URI1: variants seen among roughly 807,000 people sequenced by gnomAD.
URI1 encodes the protein unconventional prefoldin RPB5 interactor 1.
In URI1, 39 loss-of-function variants were observed where a neutral mutation model predicts 60.2. That is an observed-to-expected ratio of 0.65 (90% CI 0.50 to 0.85). The LOEUF is 0.85. Ranked by LOEUF, URI1 falls within the 40% of genes least tolerant of loss-of-function variation. URI1 has a pLI of 0.00. For synonymous variants in URI1, 251 were observed against 236.8 expected (o/e 1.06, Z -0.55); for missense variants, 691 against 665.9 (o/e 1.04, Z -0.42).
intron 2 of URI1, among the ~76,000 whole-genome samples, chr19:29,980,691 G>A (rs948329109): frequency 6.9e-6 from 1 of 145,110 alleles, no homozygotes; most frequent in African/African-American, 2.5e-5. Context: ...CTGGGAGGCC[G>A]AAGCGGGTAG....
At chr19:29,966,872 A>T (rs139874057) in intron 1 of URI1, among the ~76,000 whole-genome samples, 1 of 152,240 alleles carries the variant, frequency 6.6e-6, no homozygotes, top group African/African-American at 2.4e-5. Context: ...GCATTAACCC[A>T]TACAGGAAGA....
intron 2 of URI1, among the ~76,000 whole-genome samples, chr19:29,984,679 A>G: frequency 6.6e-6 from 1 of 152,174 alleles, no homozygotes; most frequent in South Asian, 2.1e-4. Flanking sequence ...GGATTTTAAA[A>G]CTAAAAATAA....
intron 1 of URI1, among the ~76,000 whole-genome samples, chr19:29,960,402 ATTT>A (rs1237869685): frequency 2.0e-5 from 3 of 151,586 alleles, no homozygotes; most frequent in Non-Finnish European, 4.4e-5. Flanking sequence ...TTATAGATTT[ATTT>A]TTCTCTCTTT....
At chr19:30,001,513 C>CGTTT (rs1378013826) in intron 4 of URI1, among the ~76,000 whole-genome samples, 69 of 151,898 alleles carry the variant, frequency 4.5e-4, no homozygotes, top group African/African-American at 1.5e-3. Context: ...TCTCTACAAA[C>CGTTT]CACTCTAAGC....
At chr19:29,942,039 CA>C (rs10534644), upstream of URI1, among the ~76,000 whole-genome samples, 39 of 147,762 alleles carry the variant, frequency 2.6e-4, no homozygotes, top group African/African-American at 8.9e-4. Context: ...TACGTAATCT[CA>C]AAAAAAAAAA....
chr19:29,927,595 G>A (rs963455620), intron 1 of URI1, among the ~76,000 whole-genome samples: 2 of 86,852 alleles, frequency 2.3e-5, no homozygotes, highest in African/African-American at 1.2e-4. Flanking sequence ...TTGAGACAGA[G>A]TCTCACTCTG....
chr19:29,939,985 C>A (rs1247872370), upstream of URI1, among the ~76,000 whole-genome samples: 1 of 152,124 alleles, frequency 6.6e-6, no homozygotes, highest in East Asian at 1.9e-4. Flanking sequence ...TGACCTGATC[C>A]CCTTTGAAAA....
At chr19:29,970,197 C>A (rs1443470693) in intron 1 of URI1, among the ~76,000 whole-genome samples, 2 of 121,574 alleles carry the variant, frequency 1.6e-5, no homozygotes, top group African/African-American at 6.4e-5. Flanking sequence ...ATACAAGAGA[C>A]AATATTGGTA....
At chr19:29,936,146 C>T (rs953519159) in intron 1 of URI1, among the ~76,000 whole-genome samples, 3 of 151,948 alleles carry the variant, frequency 2.0e-5, no homozygotes, top group African/African-American at 7.3e-5. Context: ...CTCTTGTGCC[C>T]AGGCTGGAGT....
chr19:29,944,577 G>C (rs1437032463), intron 1 of URI1, among the ~76,000 whole-genome samples: 4 of 152,176 alleles, frequency 2.6e-5, no homozygotes, highest in African/African-American at 9.7e-5. Context: ...AGTTACATTG[G>C]AAGAGAGAGT....
At chr19:29,965,051 TAGG>T (rs2055375660) in intron 1 of URI1, among the ~76,000 whole-genome samples, 1 of 152,026 alleles carries the variant, frequency 6.6e-6, no homozygotes, top group African/African-American at 2.4e-5. Context: ...GAGTCAAGGG[TAGG>T]AGTTTTTTGG....
At chr19:29,927,796 C>T (rs1338849239) in intron 1 of URI1, among the ~76,000 whole-genome samples, 2 of 151,544 alleles carry the variant, frequency 1.3e-5, no homozygotes, top group Non-Finnish European at 2.9e-5. Context: ...AGGCTGGTCT[C>T]AAACTCCTGA....
intron 4 of URI1, among the ~76,000 whole-genome samples, chr19:30,000,194 G>C (rs750817036): frequency 1.3e-5 from 2 of 151,430 alleles, no homozygotes; most frequent in Non-Finnish European, 3.0e-5. Context: ...TTTTTTTGTT[G>C]CATAGTTTTC....
chr19:29,986,256 C>A, intron 3 of URI1, 26 bp from the exon 4 acceptor site: 3 of 1,522,360 alleles, frequency 2.0e-6, no homozygotes, highest in Non-Finnish European at 2.6e-6. Context: ...TGTTTTTTCC[C>A]TTTTTTCTTT....
intron 1 of URI1, among the ~76,000 whole-genome samples, chr19:29,955,648 A>G (rs531204193): frequency 7.9e-6 from 1 of 126,394 alleles, no homozygotes; most frequent in Non-Finnish European, 1.7e-5. Flanking sequence ...CCCAGTTACC[A>G]TTTTTTTCTT....
intron 1 of URI1, among the ~76,000 whole-genome samples, chr19:29,963,436 G>C (rs1195758410): frequency 6.6e-6 from 1 of 151,818 alleles, no homozygotes; most frequent in East Asian, 1.9e-4. Context: ...ATTTTCATTG[G>C]TTTCTTCCTG....
chr19:29,946,415 T>C (rs1485053675), intron 1 of URI1, among the ~76,000 whole-genome samples: 1 of 152,232 alleles, frequency 6.6e-6, no homozygotes, highest in Non-Finnish European at 1.5e-5. Context: ...TTAGCTTTTA[T>C]TAGCAGAACT....
At chr19:29,996,796 A>G (rs1226470702) in intron 4 of URI1, among the ~76,000 whole-genome samples, 1 of 150,384 alleles carries the variant, frequency 6.6e-6, no homozygotes, top group African/African-American at 2.5e-5. Flanking sequence ...TAATTTATTG[A>G]GTTTTTTTTT....
chr19:30,007,646 A>G lies in URI1; in HGVS notation c.686+8A>G, dbSNP rs746465808. 3.2e-6 allele frequency: 5 copies of G among 1,575,890 alleles called. No individual in the cohort carries two copies. The highest frequency in any genetic ancestry group is 1.7e-6 in the Non-Finnish European group (2 of 1,164,494). ...GCTGGGTGAACTTGATAGGTACTTG[A>G]TGACAAATTATCTTTCCAAGATAAT... On this transcript the variant is annotated splice_region_variant and intron_variant, in intron 7 of 10. Transcript: ENST00000392271.
Sources: gnomAD v4.1 joint callset for allele counts (sites outside exome capture counted in the v4.1 genomes callset) on GRCh38, gnomAD v4.1.1 for gene constraint, MANE v1.5 for transcripts, NCBI Gene and HGNC (gene_info 2026-07-23, HGNC 2026-07-21) for gene names.